XPNPEP3: variants seen among roughly 807,000 people sequenced by gnomAD.
XPNPEP3 encodes xaa-Pro aminopeptidase 3.
A neutral mutation model predicts 60.0 loss-of-function variants in XPNPEP3; 41 were observed. The ratio of observed to expected loss-of-function variants is 0.68; its 90% CI spans 0.53 to 0.89. XPNPEP3 has a LOEUF of 0.89. XPNPEP3 is among the 40% of genes least tolerant of loss of function. The probability of loss-of-function intolerance (pLI) is 0.00; values close to 1 mark genes in which losing one functional copy is unlikely to be tolerated. For missense variants in XPNPEP3, 598 were observed against 638.9 expected, an observed-to-expected ratio of 0.94 and a Z score of 0.69; for synonymous variants, 212 against 223.2, an observed-to-expected ratio of 0.95 and a Z score of 0.45.
chr22:40,868,629 C>T (rs911051002), intron 1 of XPNPEP3, among the ~76,000 whole-genome samples: 9 of 151,924 alleles, frequency 5.9e-5, no homozygotes, highest in Non-Finnish European at 7.4e-5. Flanking sequence ...CCGAGGTGGG[C>T]GGATCACTTG....
chr22:40,858,491 G>A (rs1443802834), intron 1 of XPNPEP3, among the ~76,000 whole-genome samples: 1 of 149,536 alleles, frequency 6.7e-6, no homozygotes, highest in Non-Finnish European at 1.5e-5. Flanking sequence ...CCAGCACTAA[G>A]CGTTGCAATC....
rs1344800695 is a variant in XPNPEP3 at position 40,861,154 on chromosome 22, T to C, written c.64+3909T>C. ...CCCTCTTTGACTCCTGCTGAGAAAATAGGGGGATCTCTGTTGCTGGTAACC... is the reference window on the plus strand; with the variant it reads ...CCCTCTTTGACTCCTGCTGAGAAAACAGGGGGATCTCTGTTGCTGGTAACC... On this transcript the variant is annotated intron_variant, in intron 1 of 9. Coordinates refer to ENST00000357137, the MANE Select transcript of XPNPEP3 (RefSeq NM_022098.4). The C allele has an allele frequency of 6.2e-6, 10 of 1,614,080 alleles. No individual in the cohort carries two copies. The highest frequency in any genetic ancestry group is 2.2e-5 in the East Asian group (1 of 44,870).
intron 4 of XPNPEP3, among the ~76,000 whole-genome samples, chr22:40,890,824 C>T (rs1444498864): frequency 6.6e-6 from 1 of 151,280 alleles, no homozygotes; most frequent in Non-Finnish European, 1.5e-5. Context: ...GCTGAGATTG[C>T]ACCACTGCAC....
chr22:40,874,548 C>G (rs1242223712), intron 2 of XPNPEP3, among the ~76,000 whole-genome samples: 4 of 152,172 alleles, frequency 2.6e-5, no homozygotes, highest in Non-Finnish European at 5.9e-5. Flanking sequence ...GTCTCAACCT[C>G]CTGAATAGCT....
chr22:40,921,072 G>C (rs372668914), intron 7 of XPNPEP3, among the ~76,000 whole-genome samples: 1 of 152,258 alleles, frequency 6.6e-6, no homozygotes, highest in South Asian at 2.1e-4. Flanking sequence ...GATTACAGGC[G>C]TGAGCCACCG....
chr22:40,862,043 GTTTCC>G, intron 1 of XPNPEP3: 1 of 1,537,058 alleles, frequency 6.5e-7, no homozygotes, highest in East Asian at 2.3e-5. Flanking sequence ...GAGAACCGTG[GTTTCC>G]TCAGCTCAGG....
intron 1 of XPNPEP3, chr22:40,860,877 C>T (rs1338403059): frequency 1.1e-5 from 7 of 665,588 alleles, no homozygotes; most frequent in Non-Finnish European, 1.7e-5. Flanking sequence ...TTCTTATTAG[C>T]ACCAACTGTC....
intron 1 of XPNPEP3, among the ~76,000 whole-genome samples, chr22:40,865,697 G>C (rs1032912411): frequency 6.7e-6 from 1 of 148,734 alleles, no homozygotes; most frequent in African/African-American, 2.5e-5. Context: ...TTTGTGGGGG[G>C]CGGGGGGGCA....
chr22:40,860,496 G>A (rs994202031), intron 1 of XPNPEP3: 2 of 483,410 alleles, frequency 4.1e-6, no homozygotes, highest in East Asian at 7.2e-5. Context: ...GAATAATTGT[G>A]TAGTCTGAAC....
intron 1 of XPNPEP3, among the ~76,000 whole-genome samples, chr22:40,858,117 C>G (rs955870482): frequency 6.6e-6 from 1 of 152,136 alleles, no homozygotes; most frequent in Non-Finnish European, 1.5e-5. Flanking sequence ...ATTTTTCAGT[C>G]TTTTTTTGAG....
At chr22:40,862,102 C>T (rs1056303258) in intron 1 of XPNPEP3, 2 of 1,505,574 alleles carry the variant, frequency 1.3e-6, no homozygotes, top group African/African-American at 2.8e-5. Flanking sequence ...CAAATAGGTA[C>T]ACTTTTATGT....
intron 4 of XPNPEP3, among the ~76,000 whole-genome samples, chr22:40,898,346 C>T (rs1014798107): frequency 2.3e-4 from 30 of 131,322 alleles, no homozygotes; most frequent in Non-Finnish European, 4.3e-4. Context: ...CTCCGCTTCC[C>T]GGGTTCACGC....
intron 1 of XPNPEP3, among the ~76,000 whole-genome samples, chr22:40,866,925 T>A (rs999221516): frequency 2.6e-5 from 4 of 152,216 alleles, no homozygotes; most frequent in Non-Finnish European, 5.9e-5. Context: ...AGTTAACTTT[T>A]TATATTCTGA....
chr22:40,931,673 C>T lies in XPNPEP3; in HGVS notation c.*5238C>T, dbSNP rs755046161. The T allele has an allele frequency of 6.6e-5, 10 of 152,152 alleles. No homozygotes were observed. Among genetic ancestry groups the T allele is most frequent in the Non-Finnish European group, 1.5e-4 (10 of 68,064 alleles). 9.4% of individuals were successfully genotyped at this position (152,152 alleles called of 1,614,324 possible). ...AGGCTGCAGTGAGCCATGATTGTGC[C>T]ACTTCACCCTGGGCAACAGAGAAAG... On this transcript the variant is annotated 3_prime_UTR_variant, in exon 10 of 10. Transcript: ENST00000357137.
rs1455214882 is a variant in XPNPEP3 at position 40,924,493 on chromosome 22, G to T, written c.1357+11G>T. 1.9e-6 allele frequency: 3 copies of T among 1,613,836 alleles called. No individual in the cohort carries two copies. The Admixed American group carries it at 5.0e-5, about 27-fold the overall frequency. The stretch of plus-strand genomic sequence containing the variant: ...TCACAATTGAGCCCGGTAAGGAGAG[G>T]TGTTACAATAGTAGTATGAGGTAAA... On this transcript the variant is annotated intron_variant, in intron 9 of 9. Coordinates refer to ENST00000357137, the MANE Select transcript of XPNPEP3 (RefSeq NM_022098.4).
intron 4 of XPNPEP3, among the ~76,000 whole-genome samples, chr22:40,901,631 C>T (rs145490518): frequency 1.4e-3 from 216 of 152,244 alleles, no homozygotes; most frequent in African/African-American, 4.8e-3. Flanking sequence ...TGCGCTACCA[C>T]GCCTGGCTAA....
chr22:40,905,472 G>A (rs1164564991), intron 4 of XPNPEP3, among the ~76,000 whole-genome samples: 3 of 152,112 alleles, frequency 2.0e-5, no homozygotes, highest in Admixed American at 6.6e-5. Flanking sequence ...GGATACATTA[G>A]TGAGCACAAT....
At chr22:40,889,700 A>T (rs1230359204) in intron 4 of XPNPEP3, among the ~76,000 whole-genome samples, 1 of 152,170 alleles carries the variant, frequency 6.6e-6, no homozygotes. Context: ...ATTGTGGCAT[A>T]TGCCTGTAGT....
chr22:40,880,426 G>C (rs1190844230), intron 2 of XPNPEP3, among the ~76,000 whole-genome samples: 2 of 151,132 alleles, frequency 1.3e-5, no homozygotes, highest in East Asian at 1.9e-4. Context: ...TAAAACAGTA[G>C]TGATCCAAAA....
Sources: gnomAD v4.1 joint callset for allele counts (sites outside exome capture counted in the v4.1 genomes callset) on GRCh38, gnomAD v4.1.1 for gene constraint, MANE v1.5 for transcripts, NCBI Gene and HGNC (gene_info 2026-07-23, HGNC 2026-07-21) for gene names.